Variants in NTM observed in about 807,000 individuals in gnomAD.
NTM encodes the protein neurotrimin.
A neutral mutation model predicts 42.1 loss-of-function variants in NTM; 13 were observed. The observed-to-expected ratio is 0.31, with a 90% CI of 0.20 to 0.49. The LOEUF is 0.49. Among genes scored for constraint, NTM ranks in the 20% least tolerant of loss-of-function variants. The probability of loss-of-function intolerance (pLI) is 0.99; values close to 1 mark genes in which losing one functional copy is unlikely to be tolerated. For missense variants in NTM, 373 were observed against 452.8 expected (o/e 0.82, Z 1.60); for synonymous variants, 187 against 179.2 (o/e 1.04, Z -0.35).
At chr11:131,399,007 A>G (rs143405966) in intron 1 of NTM, among the ~76,000 whole-genome samples, 150 of 152,354 alleles carry the variant, frequency 9.8e-4, no homozygotes, top group African/African-American at 3.3e-3. Flanking sequence ...CGTGTATGCA[A>G]TTAAACACAG....
At chr11:131,972,322 C>G (rs544523691) in intron 2 of NTM, among the ~76,000 whole-genome samples, 67 of 152,140 alleles carry the variant, frequency 4.4e-4, no homozygotes, top group African/African-American at 1.3e-3. Flanking sequence ...ACAATAGTGT[C>G]TGGCCAAACA....
chr11:131,675,807 A>G (rs930957067), intron 1 of NTM, among the ~76,000 whole-genome samples: 7 of 152,330 alleles, frequency 4.6e-5, no homozygotes, highest in African/African-American at 1.4e-4. Flanking sequence ...AGGTGACTCA[A>G]GACTTCAGGC....
intron 2 of NTM, among the ~76,000 whole-genome samples, chr11:132,074,657 A>G (rs1339027556): frequency 6.6e-6 from 1 of 152,166 alleles, no homozygotes; most frequent in African/African-American, 2.4e-5. Flanking sequence ...AACAACCAAG[A>G]TATGGAAACA....
intron 1 of NTM, among the ~76,000 whole-genome samples, chr11:131,822,170 G>A (rs549584348): frequency 1.6e-4 from 25 of 152,126 alleles, no homozygotes; most frequent in African/African-American, 4.8e-4. Flanking sequence ...TCATGCAGTC[G>A]TCACCCCGTT....
At chr11:132,252,411 C>G (rs4937684) in intron 4 of NTM, among the ~76,000 whole-genome samples, 14,880 of 152,032 alleles carry the variant, frequency 0.098, 1,774 homozygotes, top group African/African-American at 0.27. Flanking sequence ...TACTGTTCAG[C>G]CACCCATTTT....
chr11:132,151,150 T>C (rs972520206), intron 3 of NTM, among the ~76,000 whole-genome samples: 1 of 152,200 alleles, frequency 6.6e-6, no homozygotes, highest in Non-Finnish European at 1.5e-5. Flanking sequence ...CTCTTAATCC[T>C]GCTACCAAAC....
chr11:131,661,151 G>C (rs1437409117), intron 1 of NTM: 2 of 716,680 alleles, frequency 2.8e-6, no homozygotes, highest in Non-Finnish European at 4.2e-6. Context: ...GGTCCAGGTG[G>C]TGACTGTGGC....
intron 1 of NTM, among the ~76,000 whole-genome samples, chr11:131,811,792 G>T (rs1339854039): frequency 6.6e-6 from 1 of 152,198 alleles, no homozygotes; most frequent in Non-Finnish European, 1.5e-5. Context: ...CACATAGCAA[G>T]ATTCACTCTT....
At chr11:131,652,073 C>G (rs1294938132) in intron 1 of NTM, among the ~76,000 whole-genome samples, 3 of 128,670 alleles carry the variant, frequency 2.3e-5, no homozygotes, top group Middle Eastern at 3.8e-3. Context: ...GGGAGCATGT[C>G]ACTCGAGTTC....
intron 1 of NTM, among the ~76,000 whole-genome samples, chr11:131,735,618 A>G (rs2080313492): frequency 6.6e-6 from 1 of 152,224 alleles, no homozygotes; most frequent in African/African-American, 2.4e-5. Flanking sequence ...TTGAGCAAGA[A>G]TACATCACTG....
intron 1 of NTM, among the ~76,000 whole-genome samples, chr11:131,800,504 A>G (rs984721770): frequency 6.6e-6 from 1 of 152,272 alleles, no homozygotes; most frequent in Non-Finnish European, 1.5e-5. Flanking sequence ...TATAGGCTAA[A>G]GAAATTGCAT....
chr11:131,774,527 C>T (rs2086652198), intron 1 of NTM, among the ~76,000 whole-genome samples: 1 of 152,140 alleles, frequency 6.6e-6, no homozygotes, highest in Non-Finnish European at 1.5e-5. Flanking sequence ...GTCAATTGAG[C>T]ATCTATTTGT....
At chr11:132,073,104 C>A (rs1295657778) in intron 2 of NTM, among the ~76,000 whole-genome samples, 1 of 152,090 alleles carries the variant, frequency 6.6e-6, no homozygotes, top group Non-Finnish European at 1.5e-5. Flanking sequence ...GCTGCTGGGG[C>A]TTTGTGTCAC....
chr11:131,741,803 G>C (rs2081234545), intron 1 of NTM, among the ~76,000 whole-genome samples: 1 of 152,172 alleles, frequency 6.6e-6, no homozygotes, highest in African/African-American at 2.4e-5. Context: ...GCAGAGGACT[G>C]TCGAAGACAC....
At chr11:132,194,527 G>A (rs1425092155) in intron 3 of NTM, among the ~76,000 whole-genome samples, 1 of 152,048 alleles carries the variant, frequency 6.6e-6, no homozygotes, top group Non-Finnish European at 1.5e-5. Flanking sequence ...ACGGACAAAA[G>A]CTGGAACCAT....
chr11:131,824,866 G>A (rs969590842), intron 1 of NTM, among the ~76,000 whole-genome samples: 3 of 152,128 alleles, frequency 2.0e-5, no homozygotes, highest in African/African-American at 4.8e-5. Context: ...TGCTGTAAGA[G>A]GCAGAACTCT....
chr11:131,583,091 A>G (rs1159559752), intron 1 of NTM, among the ~76,000 whole-genome samples: 1 of 152,092 alleles, frequency 6.6e-6, no homozygotes, highest in Non-Finnish European at 1.5e-5. Context: ...TCACTAACCT[A>G]TTTCCACAGT....
At chr11:131,506,144 A>C (rs1340040068) in intron 1 of NTM, among the ~76,000 whole-genome samples, 1 of 152,148 alleles carries the variant, frequency 6.6e-6, no homozygotes, top group Non-Finnish European at 1.5e-5. Context: ...ACTCATTCTC[A>C]AGCATAGACA....
chr11:131,807,773 G>T (rs1527780), intron 1 of NTM, among the ~76,000 whole-genome samples: 120,511 of 152,174 alleles, frequency 0.79, 48,484 homozygotes, highest in African/African-American at 0.91. Context: ...TTTATTGCTT[G>T]TATTGTATCT....
Sources: gnomAD v4.1 joint callset for allele counts (sites outside exome capture counted in the v4.1 genomes callset) on GRCh38, gnomAD v4.1.1 for gene constraint, MANE v1.5 for transcripts, NCBI Gene and HGNC (gene_info 2026-07-23, HGNC 2026-07-21) for gene names.